Variants in ZNF69 observed in about 807,000 individuals in gnomAD.
The protein encoded by ZNF69 is ZNF3.
A neutral mutation model predicts 50.9 loss-of-function variants in ZNF69; 47 were observed. That is an observed-to-expected ratio of 0.92 (90% CI 0.73 to 1.18). The LOEUF is 1.18. Among genes scored for constraint, ZNF69 ranks in the 50% most tolerant of loss-of-function variants. The probability of loss-of-function intolerance (pLI) is 0.00; values close to 1 mark genes in which losing one functional copy is unlikely to be tolerated. For synonymous variants in ZNF69, 216 were observed against 223.1 expected (o/e 0.97, Z 0.29); for missense variants, 717 against 675.1 (o/e 1.06, Z -0.69).
the ZNF69 span, among the ~76,000 whole-genome samples, chr19:11,951,883 C>A: frequency 0.18 from 26,931 of 152,226 alleles, 5,109 homozygotes; most frequent in African/African-American, 0.48. Flanking sequence ...ATGGTAAAAG[C>A]CTTGGCCTTG....
the ZNF69 span, among the ~76,000 whole-genome samples, chr19:11,966,860 G>A: frequency 1.3e-5 from 2 of 152,074 alleles, no homozygotes; most frequent in African/African-American, 4.8e-5. Flanking sequence ...GATAGCAATG[G>A]CCCAAACAGG....
the ZNF69 span, among the ~76,000 whole-genome samples, chr19:11,962,171 A>C: frequency 1.3e-5 from 2 of 151,830 alleles, no homozygotes; most frequent in African/African-American, 4.8e-5. Flanking sequence ...TAATCCCAGC[A>C]CTTGGGAGGC....
chr19:11,965,345 G>C, the ZNF69 span: 1 of 1,279,204 alleles, frequency 7.8e-7, no homozygotes, highest in Non-Finnish European at 1.1e-6. Flanking sequence ...GGAGCTGCTC[G>C]GCCCTCGGTC....
At chr19:11,933,928 A>C in the ZNF69 span, among the ~76,000 whole-genome samples, 17 of 147,378 alleles carry the variant, frequency 1.2e-4, 2 homozygotes, top group Non-Finnish European at 2.4e-4. Context: ...CTCCCACCTC[A>C]GCTTCCCAAA....
chr19:11,963,132 C>G, the ZNF69 span, among the ~76,000 whole-genome samples: 1 of 136,806 alleles, frequency 7.3e-6, no homozygotes, highest in South Asian at 2.2e-4. Flanking sequence ...GAGACAGTGT[C>G]TTGCTGAAGT....
chr19:11,899,932 G>C (rs1972207086), intron 1 of ZNF69, among the ~76,000 whole-genome samples: 1 of 152,134 alleles, frequency 6.6e-6, no homozygotes, highest in Non-Finnish European at 1.5e-5. Flanking sequence ...CCAGGTATTT[G>C]CTGGTGCTTT....
chr19:11,945,651 C>T, the ZNF69 span, among the ~76,000 whole-genome samples: 4 of 152,062 alleles, frequency 2.6e-5, no homozygotes, highest in African/African-American at 7.2e-5. Context: ...CACCTTTGAC[C>T]ATCACTTAGC....
At chr19:11,933,344 C>T in the ZNF69 span, among the ~76,000 whole-genome samples, 12 of 148,212 alleles carry the variant, frequency 8.1e-5, no homozygotes, top group Non-Finnish European at 1.5e-4. Flanking sequence ...CATGTGAACA[C>T]GATGAAAATT....
intron 1 of ZNF69, among the ~76,000 whole-genome samples, chr19:11,889,217 T>C (rs915812989): frequency 1.3e-5 from 2 of 152,226 alleles, no homozygotes; most frequent in Non-Finnish European, 2.9e-5. Flanking sequence ...CTTACCCTTG[T>C]CTTGCGTGGC....
At chr19:11,974,072 T>C in the ZNF69 span, among the ~76,000 whole-genome samples, 4 of 61,510 alleles carry the variant, frequency 6.5e-5, no homozygotes, top group African/African-American at 2.3e-4. Context: ...TTCTTTCTTT[T>C]CTTTCTTTCT....
chr19:11,951,489 A>G, the ZNF69 span, among the ~76,000 whole-genome samples: 3 of 151,990 alleles, frequency 2.0e-5, no homozygotes, highest in Middle Eastern at 3.2e-3. Context: ...TCGGCTTCCT[A>G]AAGTACTGGG....
downstream of ZNF69, among the ~76,000 whole-genome samples, chr19:11,916,285 A>G (rs2145259033): frequency 6.6e-6 from 1 of 152,270 alleles, no homozygotes; most frequent in African/African-American, 2.4e-5. Flanking sequence ...AATACATAAA[A>G]TGTGCTTGTA....
the ZNF69 span, among the ~76,000 whole-genome samples, chr19:11,943,913 G>C: frequency 2.6e-5 from 4 of 152,150 alleles, no homozygotes; most frequent in African/African-American, 4.8e-5. Flanking sequence ...GTCTTTTTCA[G>C]AGTCACTTTG....
chr19:11,939,079 T>TG, the ZNF69 span, among the ~76,000 whole-genome samples: 3 of 150,038 alleles, frequency 2.0e-5, no homozygotes, highest in Admixed American at 6.6e-5. Context: ...GGTTGTTTGA[T>TG]TTTTTCTTGT....
At chr19:11,927,928 T>G in the ZNF69 span, among the ~76,000 whole-genome samples, 1 of 152,158 alleles carries the variant, frequency 6.6e-6, no homozygotes, top group Non-Finnish European at 1.5e-5. Context: ...TCCCTAACAC[T>G]TGTATAGGCA....
chr19:11,931,398 A>G, the ZNF69 span, among the ~76,000 whole-genome samples: 6 of 147,744 alleles, frequency 4.1e-5, no homozygotes, highest in African/African-American at 1.6e-4. Flanking sequence ...GAAAGGATTT[A>G]CTCCTATGCT....
the ZNF69 span, chr19:11,953,483 A>G: frequency 6.6e-6 from 1 of 152,194 alleles, no homozygotes; most frequent in African/African-American, 2.4e-5. Flanking sequence ...TTTATAACAT[A>G]TGCTTTTCTG....
chr19:11,964,906 CT>C, the ZNF69 span: 2 of 406,532 alleles, frequency 4.9e-6, no homozygotes. Flanking sequence ...GTCAGTCTGG[CT>C]CTGCCGGGCC....
At chr19:11,895,428 C>G (rs1001934898) in intron 1 of ZNF69, among the ~76,000 whole-genome samples, 6 of 152,194 alleles carry the variant, frequency 3.9e-5, no homozygotes, top group Non-Finnish European at 5.9e-5. Flanking sequence ...AAGGAGACGT[C>G]GCTCAGGGAG....
Sources: gnomAD v4.1 joint callset for allele counts (sites outside exome capture counted in the v4.1 genomes callset) on GRCh38, gnomAD v4.1.1 for gene constraint, MANE v1.5 for transcripts, NCBI Gene and HGNC (gene_info 2026-07-23, HGNC 2026-07-21) for gene names.